Variants in VDR observed in about 807,000 individuals in gnomAD.
VDR encodes vitamin D receptor.
Under a neutral mutation model 39.7 loss-of-function variants are expected in VDR, and 19 were observed. The ratio of observed to expected loss-of-function variants is 0.48; its 90% CI spans 0.33 to 0.70. The LOEUF is 0.70. VDR is among the 30% of genes least tolerant of loss of function. The pLI is 0.02. For synonymous variants in VDR, 242 were observed against 215.8 expected (o/e 1.12, Z -1.07); for missense variants, 442 against 570.5 (o/e 0.77, Z 2.29).
At chr12:47,856,759 G>A (rs938459345) in intron 6 of VDR, among the ~76,000 whole-genome samples, 6 of 152,062 alleles carry the variant, frequency 3.9e-5, no homozygotes, top group Admixed American at 6.6e-5. Flanking sequence ...GGACCAACAC[G>A]TTCACCTTCC....
chr12:47,867,442 C>T (rs756634204), intron 3 of VDR, among the ~76,000 whole-genome samples: 3 of 152,124 alleles, frequency 2.0e-5, no homozygotes, highest in Non-Finnish European at 4.4e-5. Context: ...CACAAGTGTG[C>T]ACATTTAAGG....
At chr12:47,887,426 G>A (rs1238824236) in intron 1 of VDR, among the ~76,000 whole-genome samples, 1 of 150,932 alleles carries the variant, frequency 6.6e-6, no homozygotes, top group East Asian at 1.9e-4. Flanking sequence ...TAAGCCCTAA[G>A]ACACTTCACT....
intron 1 of VDR, among the ~76,000 whole-genome samples, chr12:47,903,321 T>C (rs1024395043): frequency 9.2e-5 from 14 of 152,214 alleles, no homozygotes; most frequent in Non-Finnish European, 1.8e-4. Context: ...CTCCCAGGAC[T>C]CTTCTCAAAT....
intron 2 of VDR, among the ~76,000 whole-genome samples, chr12:47,881,405 C>G (rs1182883323): frequency 6.6e-6 from 1 of 152,088 alleles, no homozygotes; most frequent in Non-Finnish European, 1.5e-5. Flanking sequence ...ACCTGGGAGA[C>G]AATTCATTCA....
At chr12:47,875,747 T>C (rs1945987015) in intron 3 of VDR, among the ~76,000 whole-genome samples, 1 of 152,244 alleles carries the variant, frequency 6.6e-6, no homozygotes, top group African/African-American at 2.4e-5. Flanking sequence ...GTGAGGTTTC[T>C]GCAAGCCTCT....
intron 3 of VDR, among the ~76,000 whole-genome samples, chr12:47,875,014 TC>T (rs1465636948): frequency 2.0e-5 from 3 of 152,200 alleles, no homozygotes; most frequent in Non-Finnish European, 4.4e-5. Flanking sequence ...GGAAATATCA[TC>T]TTTCTCTGAG....
intron 3 of VDR, among the ~76,000 whole-genome samples, chr12:47,869,991 A>G (rs1432180764): frequency 6.6e-6 from 1 of 152,224 alleles, no homozygotes; most frequent in Non-Finnish European, 1.5e-5. Context: ...GCCCGAGAAC[A>G]CTGAAAAGGA....
At position 47,844,598 on chromosome 12, in the gene VDR, G is replaced by T; in HGVS notation, c.*148C>A. ...AAGGGGTTAGGTTGGACAGGAGAGA[G>T]AATGGGCTGGGTGGATAGGGGAGGT... On this transcript the variant is annotated 3_prime_UTR_variant, in exon 10 of 10. Transcript: ENST00000549336. The T allele has an allele frequency of 9.2e-7, 1 of 1,091,090 alleles. No homozygotes were observed. Among genetic ancestry groups the T allele is most frequent in the Non-Finnish European group, 1.3e-6 (1 of 753,194 alleles). 67.6% of individuals were successfully genotyped at this position (1,091,090 alleles called of 1,614,324 possible).
At chr12:47,871,292 C>CTCCTTCTT (rs1945855088) in intron 3 of VDR, among the ~76,000 whole-genome samples, 1 of 79,854 alleles carries the variant, frequency 1.3e-5, no homozygotes, top group African/African-American at 4.6e-5. Flanking sequence ...CTTTCTCTTT[C>CTCCTTCTT]TCTTTCTTTC....
chr12:47,847,312 G>A (rs544904806), intron 7 of VDR, among the ~76,000 whole-genome samples: 25 of 152,020 alleles, frequency 1.6e-4, no homozygotes, highest in Non-Finnish European at 3.4e-4. Flanking sequence ...GAGCTCCAGC[G>A]TCTTTTCCAA....
intron 1 of VDR, chr12:47,883,061 C>A (rs1012608005): frequency 2.6e-6 from 1 of 379,040 alleles, no homozygotes. Flanking sequence ...AACAGCCTCC[C>A]GCCTAGGCAC....
intron 9 of VDR, among the ~76,000 whole-genome samples, 190 bp from the exon 10 acceptor site, chr12:47,845,195 A>T (rs1408021599): frequency 6.6e-6 from 1 of 151,454 alleles, no homozygotes; most frequent in Non-Finnish European, 1.5e-5. Context: ...TGCATTTAGG[A>T]TCCAGACCTA....
intron 2 of VDR, among the ~76,000 whole-genome samples, chr12:47,882,288 T>C (rs1946165681): frequency 6.6e-6 from 1 of 152,092 alleles, no homozygotes; most frequent in Non-Finnish European, 1.5e-5. Flanking sequence ...TTTGCTGCTA[T>C]CAAGAAGCCA....
chr12:47,858,484 A>T (rs1945543027), intron 4 of VDR, among the ~76,000 whole-genome samples: 1 of 152,244 alleles, frequency 6.6e-6, no homozygotes, highest in African/African-American at 2.4e-5. Context: ...GAGGCCTTGC[A>T]GCTCTAATCT....
Position 47,857,239 on chromosome 12 carries a change from C to T in VDR, c.473G>A (p.Arg158His), listed in dbSNP as rs1565613452. The T allele has an allele frequency of 3.1e-6, 5 of 1,614,168 alleles. No homozygotes were observed. Among genetic ancestry groups the T allele is most frequent in the Non-Finnish European group, 3.4e-6 (4 of 1,180,028 alleles). Residue 158 changes from arginine to histidine, a missense_variant, in exon 6 of 10, where the codon CGT becomes CAT. Arg to His is a conservative substitution (Grantham distance 29). Coordinates refer to ENST00000549336, the MANE Select transcript of VDR (RefSeq NM_000376.3). Reference protein sequence around the residue: ...SDFCQFRPPVRVNDGGGSHPS... With the variant: ...SDFCQFRPPVHVNDGGGSHPS... The stretch of plus-strand genomic sequence containing the variant: ...ATGGCTCCCTCCACCATCATTCACA[C>T]GAACTGGAGGCTGGAAGGGAAAGAT...
intron 1 of VDR, 125 bp downstream of exon 1, chr12:47,904,830 C>T (rs1946640456): frequency 6.1e-6 from 3 of 494,104 alleles, no homozygotes; most frequent in Non-Finnish European, 1.1e-5. Context: ...CCTCAGTAGC[C>T]AAGTTTACCG....
Position 47,865,624 on chromosome 12 carries a change from G to A in VDR, c.147-447C>T, listed in dbSNP as rs187586857. Among the ~76,000 whole-genome samples the A allele has an allele frequency of 2.9e-3, 440 of 151,836 alleles. 3 individuals carry two copies. The highest frequency in any genetic ancestry group is 4.3e-3 in the Admixed American group (66 of 15,268). ...AATGGGGTCTCACTATGTTGCCCAG[G>A]CTAGTCTGGAACTCCTGGGCTGAAG... On this transcript the variant is annotated intron_variant, in intron 3 of 9. Coordinates refer to ENST00000549336, the MANE Select transcript of VDR (RefSeq NM_000376.3).
At chr12:47,853,140 A>G (rs1269779771) in intron 7 of VDR, among the ~76,000 whole-genome samples, 1 of 152,220 alleles carries the variant, frequency 6.6e-6, no homozygotes, top group African/African-American at 2.4e-5. Flanking sequence ...AAATGTGTCA[A>G]TACTCTATTG....
intron 7 of VDR, among the ~76,000 whole-genome samples, chr12:47,854,335 C>T (rs1397037043): frequency 6.6e-6 from 1 of 151,768 alleles, no homozygotes; most frequent in African/African-American, 2.4e-5. Flanking sequence ...CTATGTTGAT[C>T]AGGCTGGTCT....
Sources: allele counts gnomAD v4.1 joint callset (sites outside exome capture counted in the v4.1 genomes callset), GRCh38; gene constraint gnomAD v4.1.1; transcripts MANE v1.5; gene names NCBI Gene and HGNC (gene_info 2026-07-23, HGNC 2026-07-21).